The following ADAM8 variants were observed in gnomAD, a reference collection of about 807,000 sequenced individuals.
The protein encoded by ADAM8 is ADAM metallopeptidase domain 8.
In ADAM8, 104 loss-of-function variants were observed where a neutral mutation model predicts 102.4. The ratio of observed to expected loss-of-function variants is 1.02; its 90% CI spans 0.87 to 1.20. The LOEUF (loss-of-function observed/expected upper bound fraction) is 1.20, where lower values mean the gene tolerates loss of function less well. Among genes scored for constraint, ADAM8 ranks in the 50% most tolerant of loss-of-function variants. The probability of loss-of-function intolerance (pLI) is 0.00; values close to 1 mark genes in which losing one functional copy is unlikely to be tolerated. For missense variants in ADAM8, 1,132 were observed against 1,159.0 expected, an observed-to-expected ratio of 0.98 and a Z score of 0.34; for synonymous variants, 517 against 485.2, an observed-to-expected ratio of 1.07 and a Z score of -0.86.
chr10:133,273,928 C>T (rs1273495358), intron 4 of ADAM8, 23 bp downstream of exon 4: 6 of 1,579,422 alleles, frequency 3.8e-6, no homozygotes, highest in Non-Finnish European at 5.1e-6. Flanking sequence ...CCTGCCCGCC[C>T]AGCTGCTCCG....
chr10:133,270,549 G>C (rs1252365037), intron 15 of ADAM8, 39 bp from the exon 16 acceptor site: 1 of 1,567,964 alleles, frequency 6.4e-7, no homozygotes, highest in South Asian at 1.2e-5. Flanking sequence ...GCTTGCCTGG[G>C]AGCATGCTGG....
At position 133,271,238 on chromosome 10, in the gene ADAM8, C is replaced by A. The variant is rs1247383232; in HGVS notation, c.1336G>T (p.Ala446Ser). Reference sequence around the variant, plus strand: ...CAGCAGGTACCGTGCGCACACTGGGCCCCCTCAGCCAGCTGGCAGGTGGTA... The same window carrying A: ...CAGCAGGTACCGTGCGCACACTGGGACCCCTCAGCCAGCTGGCAGGTGGTA... ...NSTTCQLAEGAQCAHGTCCQE... is the reference protein window; with the variant it reads ...NSTTCQLAEGSQCAHGTCCQE... Residue 446 changes from alanine to serine, a missense_variant, in exon 13 of 23, where the codon GCC (alanine) becomes TCC (serine). By Grantham distance (99) the Ala-to-Ser change is moderately conservative (BLOSUM62 1). Coordinates refer to ENST00000445355, the MANE Select transcript of ADAM8 (RefSeq NM_001109.5). 2 of 1,611,606 alleles carry A rather than the reference C, an allele frequency of 1.2e-6. No homozygotes were observed. Among genetic ancestry groups the A allele is most frequent in the East Asian group, 2.2e-5 (1 of 44,858 alleles).
At position 133,269,540 on chromosome 10, in the gene ADAM8, G is replaced by T; in HGVS notation, c.1864-11C>A. 6.3e-7 allele frequency: 1 copy of T among 1,588,032 alleles called. No individual in the cohort carries two copies. The highest frequency in any genetic ancestry group is 1.1e-5 in the South Asian group (1 of 88,698). On this transcript the variant is annotated splice_polypyrimidine_tract_variant and intron_variant, in intron 17 of 22. Coordinates refer to ENST00000445355, the MANE Select transcript of ADAM8 (RefSeq NM_001109.5). ...CTTGTGGTTGCACACCTGCGGGGAC[G>T]GCTGGGCTCAGGGCCAACCCTGTTG...
chr10:133,268,137 G>A lies in ADAM8; in HGVS notation c.2064-19C>T. 3 of 1,257,806 alleles carry A rather than the reference G, an allele frequency of 2.4e-6. No homozygotes were observed. The highest frequency in any genetic ancestry group is 2.2e-4 in the Middle Eastern group (1 of 4,568). The allele number at this position is 1,257,806 out of a possible 1,614,324, so 77.9% of individuals were successfully genotyped here. ...CACGTTCCTGGGGAGGAAGCACAGG[G>A]CGCATGGTCAGTGTCCGGCCATGGG... is the stretch of plus-strand genomic sequence containing the variant. On this transcript the variant is annotated intron_variant, in intron 19 of 22. Coordinates refer to ENST00000445355, the MANE Select transcript of ADAM8 (RefSeq NM_001109.5).
chr10:133,266,527 A>C (rs1846326694), intron 21 of ADAM8, among the ~76,000 whole-genome samples: 1 of 152,086 alleles, frequency 6.6e-6, no homozygotes, highest in Admixed American at 6.5e-5. Flanking sequence ...GGGTCCCCGG[A>C]GATGCACCGT....
At position 133,268,766 on chromosome 10, in the gene ADAM8, C is replaced by T. The variant is rs371838969; in HGVS notation, c.2045G>A (p.Arg682Gln). 4.0e-5 allele frequency: 65 copies of T among 1,610,512 alleles called. No individual in the cohort carries two copies. The highest frequency in any genetic ancestry group is 4.5e-5 in the Non-Finnish European group (53 of 1,179,784). Residue 682 changes from arginine (R) to glutamine (Q), a missense_variant, in exon 19 of 23, where the codon CGG becomes CAG. Arg to Gln is a conservative substitution (Grantham distance 43). Coordinates refer to ENST00000445355, the MANE Select transcript of ADAM8 (RefSeq NM_001109.5). ...LAGIIVYRKA[R>Q]SRILSRNVAP... ...CCCTCACCTGCTCAGGATGCGGCTCCGGGCTTTGCGGTAGACGATGATGCC... is the reference window on the plus strand; with the variant it reads ...CCCTCACCTGCTCAGGATGCGGCTCTGGGCTTTGCGGTAGACGATGATGCC...
intron 21 of ADAM8, among the ~76,000 whole-genome samples, chr10:133,266,228 G>A (rs183368876): frequency 3.2e-4 from 49 of 152,274 alleles, no homozygotes; most frequent in African/African-American, 1.2e-3. Context: ...TGCCTGGGGG[G>A]ACCATGGCTG....
chr10:133,273,858 G>A lies in ADAM8; in HGVS notation c.307-20C>T. The A allele has an allele frequency of 6.5e-7, 1 of 1,549,202 alleles. No individual in the cohort carries two copies. The highest frequency in any genetic ancestry group is 1.2e-5 in the South Asian group (1 of 84,162). ...GTGGTCCTGCGGGGGAAGCAGGAGA[G>A]GGGTCCACAGGCTGTGCCCCCATGG... On this transcript the variant is annotated intron_variant, in intron 4 of 22. Transcript: ENST00000445355.
chr10:133,268,663 TG>T, intron 19 of ADAM8, 84 bp downstream of exon 19: 2 of 1,425,920 alleles, frequency 1.4e-6, no homozygotes, highest in Non-Finnish European at 1.9e-6. Flanking sequence ...CCGTCCACCA[TG>T]GGCCCGTGCT....
chr10:133,264,352 C>T (rs921092505), intron 21 of ADAM8, among the ~76,000 whole-genome samples: 2 of 152,322 alleles, frequency 1.3e-5, no homozygotes, highest in African/African-American at 4.8e-5. Context: ...TGAGCCAATG[C>T]GCCTGGCCTG....
chr10:133,269,306 C>T (rs2995310), intron 18 of ADAM8, 139 bp downstream of exon 18: 1,120,464 of 1,255,108 alleles, frequency 0.89, 500,586 homozygotes, highest in East Asian at 0.93. Flanking sequence ...TCTGCCTATA[C>T]CTGTGTGTCG....
intron 18 of ADAM8, 58 bp from the exon 19 acceptor site, chr10:133,268,920 G>A: frequency 6.4e-7 from 1 of 1,571,118 alleles, no homozygotes; most frequent in Non-Finnish European, 8.6e-7. Context: ...GCAGGAGCCA[G>A]GGAGGTTCCC....
At chr10:133,266,744 G>A (rs1409204431) in intron 21 of ADAM8, among the ~76,000 whole-genome samples, 1 of 152,196 alleles carries the variant, frequency 6.6e-6, no homozygotes, top group African/African-American at 2.4e-5. Flanking sequence ...GAGCTCAAGG[G>A]TCCTTCTCCA....
rs885022 is a variant in ADAM8, at chr10:133,270,523, G to A, written c.1635-13C>T. ...ACACATGTCAGCCCTGTGGATGGAC[G>A]GCAGGTCGTGGGCCAGCTTGCCTGG... On this transcript the variant is annotated splice_polypyrimidine_tract_variant and intron_variant, in intron 15 of 22. Coordinates refer to ENST00000445355, the MANE Select transcript of ADAM8 (RefSeq NM_001109.5). 1,645 of 1,576,740 alleles carry A rather than the reference G, an allele frequency of 1.0e-3. 11 individuals are homozygous for A. In the African/African-American group the frequency reaches 0.019, roughly 18 times the overall value.
intron 6 of ADAM8, 114 bp downstream of exon 6, chr10:133,273,140 C>T (rs1846612023): frequency 1.3e-6 from 2 of 1,587,124 alleles, no homozygotes; most frequent in Non-Finnish European, 1.7e-6. Flanking sequence ...GCCAGGCCTG[C>T]TCCAGGCTGC....
chr10:133,269,567 G>A (rs758258636), intron 17 of ADAM8, 38 bp from the exon 18 acceptor site: 3 of 1,538,796 alleles, frequency 1.9e-6, no homozygotes, highest in Non-Finnish European at 2.6e-6. Context: ...ACCCTGTTGT[G>A]GACCCCAAGG....
intron 1 of ADAM8, chr10:133,276,102 T>A (rs941888936): frequency 3.2e-5 from 5 of 155,110 alleles, no homozygotes; most frequent in African/African-American, 7.2e-5. Flanking sequence ...ATGGGCAGGG[T>A]TTCGGAGACC....
At position 133,269,930 on chromosome 10, in the gene ADAM8, G is replaced by A. The variant is rs147325666; in HGVS notation, c.1830C>T (p.Ser610=). The change falls in exon 17 of 23, where the codon TCC becomes TCT. Residue 610 remains serine (S), a synonymous_variant. Coordinates refer to ENST00000445355, the MANE Select transcript of ADAM8 (RefSeq NM_001109.5). ...TGTGGCACTGGGCAGAGCAGTTGCT[G>A]GATCTGTAAACGTGTAAGTCCTGGC... is the stretch of plus-strand genomic sequence containing the variant. The part of the protein sequence containing the change: ...GRCQDLHVYR[S]SNCSAQCHNH... The A allele has an allele frequency of 4.7e-5, 76 of 1,612,770 alleles. No homozygotes were observed. In the African/African-American group the frequency reaches 8.5e-4, roughly 18 times the overall value.
rs779815179 is a variant in ADAM8, at chr10:133,273,404, C to T, written c.423G>A (p.Glu141=). ...CGCCCTCGCCACCTTCATCCAGGGG[C>T]TCGATCAGGTGCAGGTCTGACCCCA... ...FQVGSDLHLI[E]PLDEGGEGGR... Residue 141 remains glutamate (E), a synonymous_variant, in exon 6 of 23, where the codon GAG becomes GAA. Coordinates refer to ENST00000445355, the MANE Select transcript of ADAM8 (RefSeq NM_001109.5). 6.5e-7 allele frequency: 1 copy of T among 1,548,974 alleles called. No homozygotes were observed. Among genetic ancestry groups the T allele is most frequent in the East Asian group, 2.4e-5 (1 of 40,906 alleles).
Sources: allele counts gnomAD v4.1 joint callset (sites outside exome capture counted in the v4.1 genomes callset), GRCh38; gene constraint gnomAD v4.1.1; transcripts MANE v1.5; gene names NCBI Gene and HGNC (gene_info 2026-07-23, HGNC 2026-07-21).